CTNND2: variants seen among roughly 807,000 people sequenced by gnomAD.
CTNND2 encodes the protein catenin delta-2.
A neutral mutation model predicts 144.4 loss-of-function variants in CTNND2; 22 were observed. The observed-to-expected ratio is 0.15, with a 90% CI of 0.11 to 0.22. CTNND2 has a LOEUF of 0.22. Ranked by LOEUF, CTNND2 falls within the 10% of genes least tolerant of loss-of-function variation. CTNND2 has a pLI of 1.00. For synonymous variants in CTNND2, 751 were observed against 695.6 expected (o/e 1.08, Z -1.25); for missense variants, 1,353 against 1,618.8 (o/e 0.84, Z 2.82).
intron 18 of CTNND2, among the ~76,000 whole-genome samples, chr5:10,994,959 G>A (rs750989195): frequency 1.2e-4 from 18 of 152,116 alleles, no homozygotes; most frequent in East Asian, 1.9e-4. Flanking sequence ...TGCTTCTGGT[G>A]TGAACCACAG....
At chr5:11,804,796 T>C (rs1791903028) in intron 1 of CTNND2, among the ~76,000 whole-genome samples, 1 of 152,192 alleles carries the variant, frequency 6.6e-6, no homozygotes, top group Non-Finnish European at 1.5e-5. Context: ...TCAAAACCCA[T>C]GGAACTTTAC....
chr5:11,103,097 T>C (rs1191843823), intron 14 of CTNND2, among the ~76,000 whole-genome samples: 1 of 146,402 alleles, frequency 6.8e-6, no homozygotes, highest in Non-Finnish European at 1.5e-5. Flanking sequence ...TTCTCCTGCC[T>C]CAGCCTCCTG....
chr5:11,197,579 CT>C, intron 11 of CTNND2, among the ~76,000 whole-genome samples: 1 of 152,300 alleles, frequency 6.6e-6, no homozygotes, highest in Middle Eastern at 3.4e-3. Context: ...GAGGTTATGC[CT>C]TTGGTTTTCC....
intron 8 of CTNND2, among the ~76,000 whole-genome samples, chr5:11,348,437 C>CAAAAAAAAA (rs3034056): frequency 2.3e-4 from 26 of 114,700 alleles, no homozygotes; most frequent in South Asian, 2.9e-4. Flanking sequence ...AAATCAAGGG[C>CAAAAAAAAA]AAAAAAAAAA....
chr5:11,818,709 G>C (rs1279380666), intron 1 of CTNND2, among the ~76,000 whole-genome samples: 1 of 152,104 alleles, frequency 6.6e-6, no homozygotes, highest in Non-Finnish European at 1.5e-5. Context: ...TTGTATCCAA[G>C]TGGCAAGGAA....
At chr5:11,197,634 G>A (rs112110849) in intron 11 of CTNND2, among the ~76,000 whole-genome samples, 21 of 152,284 alleles carry the variant, frequency 1.4e-4, no homozygotes, top group African/African-American at 3.1e-4. Flanking sequence ...CCAGGCACAC[G>A]TGAACGGCCG....
At chr5:11,736,226 TA>T (rs938149003) in intron 1 of CTNND2, among the ~76,000 whole-genome samples, 1 of 152,146 alleles carries the variant, frequency 6.6e-6, no homozygotes, top group African/African-American at 2.4e-5. Flanking sequence ...TGACCTGTCA[TA>T]AAAAAATATG....
intron 3 of CTNND2, among the ~76,000 whole-genome samples, chr5:11,484,836 T>C (rs1768646788): frequency 6.6e-6 from 1 of 152,218 alleles, no homozygotes; most frequent in African/African-American, 2.4e-5. Flanking sequence ...TCAATTGTGC[T>C]GGAGGAATGC....
chr5:11,345,147 T>C (rs1420872290), intron 9 of CTNND2, among the ~76,000 whole-genome samples: 3 of 152,192 alleles, frequency 2.0e-5, no homozygotes, highest in Non-Finnish European at 2.9e-5. Flanking sequence ...TATGTTGAGG[T>C]ATTTTCTGAT....
chr5:11,739,168 A>G (rs1370458668), intron 1 of CTNND2, among the ~76,000 whole-genome samples: 1 of 152,210 alleles, frequency 6.6e-6, no homozygotes, highest in African/African-American at 2.4e-5. Context: ...AGAAAGTTCT[A>G]CTGATAGCCC....
chr5:11,786,371 G>A (rs1790830456), intron 1 of CTNND2, among the ~76,000 whole-genome samples: 1 of 152,174 alleles, frequency 6.6e-6, no homozygotes, highest in Non-Finnish European at 1.5e-5. Context: ...AAGTGATGCA[G>A]TTTCCCAAGA....
intron 1 of CTNND2, among the ~76,000 whole-genome samples, chr5:11,781,618 G>A (rs942764273): frequency 6.6e-6 from 1 of 152,186 alleles, no homozygotes; most frequent in African/African-American, 2.4e-5. Context: ...ATATATATGA[G>A]CAAACCTCTG....
chr5:11,770,462 AGGGGTAGGGGTAGG>A (rs1789866149), intron 1 of CTNND2, among the ~76,000 whole-genome samples: 1 of 118,172 alleles, frequency 8.5e-6, no homozygotes, highest in African/African-American at 4.6e-5. Flanking sequence ...GAAGGAAGGA[AGGGGTAGGGGTAGG>A]GGAAGGGGAA....
chr5:11,190,059 A>C (rs1028078540), intron 11 of CTNND2, among the ~76,000 whole-genome samples: 1 of 152,238 alleles, frequency 6.6e-6, no homozygotes, highest in Non-Finnish European at 1.5e-5. Context: ...ATGTCTCAGC[A>C]TAGAAGGCAT....
intron 11 of CTNND2, among the ~76,000 whole-genome samples, chr5:11,175,207 C>T: frequency 6.6e-6 from 1 of 151,924 alleles, no homozygotes; most frequent in Middle Eastern, 3.4e-3. Context: ...TAATCTTTAT[C>T]AAATCTTAGG....
rs184963069 is a variant in CTNND2 at position 11,538,689 on chromosome 5, C to T, written c.287+26255G>A. ...TCCTTGAGATACAGATGTTTAATGA[C>T]GAGAATGTGAGTAATTGATTTCTTG... is the stretch of plus-strand genomic sequence containing the variant. On this transcript the variant is annotated intron_variant, in intron 3 of 21. Transcript: ENST00000304623. Among the ~76,000 whole-genome samples, 23 of 152,154 alleles carry T rather than the reference C, an allele frequency of 1.5e-4. No individual in the cohort carries two copies. The East Asian group carries it at 2.7e-3, about 18-fold the overall frequency.
At chr5:11,081,778 T>C (rs148073073) in intron 16 of CTNND2, among the ~76,000 whole-genome samples, 32 of 152,284 alleles carry the variant, frequency 2.1e-4, no homozygotes, top group African/African-American at 7.0e-4. Context: ...ATACCCAGAA[T>C]AGGAAAATCC....
chr5:11,834,490 T>C (rs1347168731), intron 1 of CTNND2, among the ~76,000 whole-genome samples: 1 of 152,186 alleles, frequency 6.6e-6, no homozygotes, highest in Non-Finnish European at 1.5e-5. Context: ...TAACTTGAAT[T>C]AGTCATTCCA....
At chr5:11,036,243 G>T (rs1181581723) in intron 16 of CTNND2, among the ~76,000 whole-genome samples, 1 of 151,980 alleles carries the variant, frequency 6.6e-6, no homozygotes, top group Non-Finnish European at 1.5e-5. Flanking sequence ...CCTTGCTTAT[G>T]AAAATGCTAG....
Sources: allele counts gnomAD v4.1 joint callset (sites outside exome capture counted in the v4.1 genomes callset), GRCh38; gene constraint gnomAD v4.1.1; transcripts MANE v1.5; gene names NCBI Gene and HGNC (gene_info 2026-07-23, HGNC 2026-07-21).